MGRN1: variants seen among roughly 807,000 people sequenced by gnomAD.
The protein encoded by MGRN1 is mahogunin ring finger 1.
Under a neutral mutation model 69.2 loss-of-function variants are expected in MGRN1, and 29 were observed. The ratio of observed to expected loss-of-function variants is 0.42; its 90% CI spans 0.31 to 0.57. The LOEUF is 0.57. Among genes scored for constraint, MGRN1 ranks in the 20% least tolerant of loss-of-function variants. The pLI is 0.15. For missense variants in MGRN1, 998 were observed against 796.2 expected, an observed-to-expected ratio of 1.25 and a Z score of -3.05; for synonymous variants, 470 against 344.2, an observed-to-expected ratio of 1.37 and a Z score of -4.04.
intron 5 of MGRN1, among the ~76,000 whole-genome samples, chr16:4,663,435 G>T (rs370027870): frequency 5.2e-5 from 7 of 135,502 alleles, no homozygotes; most frequent in African/African-American, 1.1e-4. Context: ...CAGCTCACTC[G>T]TGTTAAGCGA....
chr16:4,661,689 GC>G (rs1158952318), intron 5 of MGRN1, among the ~76,000 whole-genome samples: 1 of 152,218 alleles, frequency 6.6e-6, no homozygotes. Context: ...TCACAGCATA[GC>G]CCCCAGCATC....
At chr16:4,652,562 GA>G in intron 3 of MGRN1, 115 bp from the exon 4 acceptor site, 1 of 1,323,454 alleles carries the variant, frequency 7.6e-7, no homozygotes, top group Non-Finnish European at 1.0e-6. Flanking sequence ...GTCTACTGGA[GA>G]AGCGGGCTGT....
chr16:4,663,904 C>T (rs115049372), intron 5 of MGRN1, among the ~76,000 whole-genome samples: 1 of 152,236 alleles, frequency 6.6e-6, no homozygotes. Context: ...GAGGAAGCTT[C>T]TCTTTGGACT....
At position 4,662,615 on chromosome 16, in the gene MGRN1, G is replaced by A. The variant is rs554662568; in HGVS notation, c.562-2094G>A. Among the ~76,000 whole-genome samples, 4 of 152,244 alleles carry A rather than the reference G, an allele frequency of 2.6e-5. No individual in the cohort carries two copies. In the South Asian group the frequency reaches 6.2e-4, roughly 24 times the overall value. ...GGTCTGTCGAGAGGACTTCATTTGC[G>A]CTTTATCCTTGAAACCCATGCGGTA... is the stretch of plus-strand genomic sequence containing the variant. On this transcript the variant is annotated intron_variant, in intron 5 of 16. Coordinates refer to ENST00000262370, the MANE Select transcript of MGRN1 (RefSeq NM_015246.4).
At chr16:4,686,005 G>A (rs2079305878) in intron 16 of MGRN1, among the ~76,000 whole-genome samples, 3 of 152,194 alleles carry the variant, frequency 2.0e-5, no homozygotes, top group Admixed American at 2.0e-4. Flanking sequence ...GGTCCTTCAT[G>A]CGCCCTTCCC....
intron 10 of MGRN1, among the ~76,000 whole-genome samples, chr16:4,673,918 A>G (rs1377354717): frequency 6.6e-6 from 1 of 152,238 alleles, no homozygotes; most frequent in Non-Finnish European, 1.5e-5. Flanking sequence ...AAAGGGCTAC[A>G]GAGGCGCTCC....
chr16:4,636,915 C>T (rs994221606), intron 1 of MGRN1, among the ~76,000 whole-genome samples: 28 of 150,114 alleles, frequency 1.9e-4, no homozygotes, highest in Non-Finnish European at 3.5e-4. Context: ...GTCAGGAGAT[C>T]GAGACCATCC....
At chr16:4,665,946 C>T (rs2078794312) in intron 7 of MGRN1, among the ~76,000 whole-genome samples, 1 of 151,844 alleles carries the variant, frequency 6.6e-6, no homozygotes, top group Non-Finnish European at 1.5e-5. Context: ...TCTCCTCCCT[C>T]AGCCTCCCAA....
intron 2 of MGRN1, 54 bp downstream of exon 2, chr16:4,650,537 C>G: frequency 7.2e-7 from 1 of 1,383,702 alleles, no homozygotes; most frequent in Non-Finnish European, 1.0e-6. Flanking sequence ...GGCCCCTGTC[C>G]CCAGCAGTCC....
Position 4,664,752 on chromosome 16 carries a change from A to G in MGRN1, c.605A>G (p.Gln202Arg), listed in dbSNP as rs529336988. 2 of 1,614,230 alleles carry G rather than the reference A, an allele frequency of 1.2e-6. No homozygotes were observed. Among genetic ancestry groups the G allele is most frequent in the Non-Finnish European group, 1.7e-6 (2 of 1,180,038 alleles). ...LDRGVFPVVI[Q>R]AVVDEGDVVE... is the part of the protein sequence containing the mutation. ...CGGGGCGTGTTTCCAGTAGTCATCCAGGCTGTGGTGGACGAAGGAGATGGT... is the reference window on the plus strand; with the variant it reads ...CGGGGCGTGTTTCCAGTAGTCATCCGGGCTGTGGTGGACGAAGGAGATGGT... The change falls in exon 6 of 17, where the codon CAG becomes CGG. Residue 202 changes from glutamine (Q) to arginine (R), a missense_variant. Transcript: ENST00000262370.
intron 5 of MGRN1, among the ~76,000 whole-genome samples, chr16:4,657,913 T>A (rs986546007): frequency 1.6e-4 from 24 of 151,722 alleles, no homozygotes; most frequent in Non-Finnish European, 2.7e-4. Flanking sequence ...CGGCTAATTT[T>A]TTGTATTTTT....
chr16:4,657,395 GCTC>G, intron 5 of MGRN1, 32 bp downstream of exon 5: 1 of 1,587,194 alleles, frequency 6.3e-7, no homozygotes, highest in South Asian at 1.1e-5. Context: ...CTTGCCCTTC[GCTC>G]CTCCTGAATT....
chr16:4,631,826 G>T (rs909468992), intron 1 of MGRN1, among the ~76,000 whole-genome samples: 1 of 151,798 alleles, frequency 6.6e-6, no homozygotes, highest in African/African-American at 2.4e-5. Context: ...GGTGAGAATT[G>T]CTGTCTTTAC....
At chr16:4,687,978 C>A (rs1456877527) in intron 16 of MGRN1, 1 of 985,614 alleles carries the variant, frequency 1.0e-6, no homozygotes, top group Non-Finnish European at 1.2e-6. Context: ...GTGGAAGGTG[C>A]CGTGCGAATG....
intron 7 of MGRN1, among the ~76,000 whole-genome samples, chr16:4,666,365 C>T (rs1376252876): frequency 6.6e-6 from 1 of 152,172 alleles, no homozygotes; most frequent in Non-Finnish European, 1.5e-5. Context: ...CTCCTGGCCT[C>T]AAGTGATCCT....
At chr16:4,681,211 CCTGT>C (rs1596316196) in intron 12 of MGRN1, 1 of 328,016 alleles carries the variant, frequency 3.0e-6, no homozygotes, top group East Asian at 7.0e-5. Flanking sequence ...GCTCCCAGCT[CCTGT>C]CTGTCACTAA....
At chr16:4,647,102 C>G (rs987560917) in intron 1 of MGRN1, among the ~76,000 whole-genome samples, 14 of 152,278 alleles carry the variant, frequency 9.2e-5, no homozygotes, top group Non-Finnish European at 2.1e-4. Flanking sequence ...GCTTCCCACA[C>G]CCTCTTGCCG....
chr16:4,658,459 C>T (rs1299201530), intron 5 of MGRN1, among the ~76,000 whole-genome samples: 1 of 151,818 alleles, frequency 6.6e-6, no homozygotes, highest in Non-Finnish European at 1.5e-5. Context: ...TATCATGAAT[C>T]CAGGAGGTGG....
At chr16:4,663,294 C>G (rs1372358077) in intron 5 of MGRN1, among the ~76,000 whole-genome samples, 1 of 151,392 alleles carries the variant, frequency 6.6e-6, no homozygotes, top group African/African-American at 2.4e-5. Context: ...AAACTGCTGA[C>G]CTCAGGTGAT....
Sources: gnomAD v4.1 joint callset for allele counts (sites outside exome capture counted in the v4.1 genomes callset) on GRCh38, gnomAD v4.1.1 for gene constraint, MANE v1.5 for transcripts, NCBI Gene and HGNC (gene_info 2026-07-23, HGNC 2026-07-21) for gene names.